The following LMO7 variants were observed in gnomAD, a reference collection of about 807,000 sequenced individuals.
LMO7 encodes LIM domain only protein 7.
LMO7 carries 120 observed loss-of-function variants against 206.5 expected under a neutral mutation model. The ratio of observed to expected loss-of-function variants is 0.58; its 90% CI spans 0.50 to 0.68. The LOEUF is 0.68. LMO7 is among the 30% of genes least tolerant of loss of function. The pLI is 0.00. For missense variants in LMO7, 1,959 were observed against 1,957.9 expected, an observed-to-expected ratio of 1.00 and a Z score of -0.01; for synonymous variants, 706 against 681.5, an observed-to-expected ratio of 1.04 and a Z score of -0.56.
chr13:75,760,677 C>T (rs746435430), intron 3 of LMO7: 11 of 1,516,324 alleles, frequency 7.3e-6, no homozygotes, highest in South Asian at 2.5e-5. Flanking sequence ...TAATGTTTAA[C>T]GTGCCAGTCA....
At chr13:75,782,701 T>C (rs1325393831) in intron 4 of LMO7, among the ~76,000 whole-genome samples, 1 of 152,194 alleles carries the variant, frequency 6.6e-6, no homozygotes, top group Non-Finnish European at 1.5e-5. Context: ...GAGAATCCAC[T>C]TCTTTCTGTC....
chr13:75,670,954 T>TC (rs1300861477), intron 1 of LMO7, among the ~76,000 whole-genome samples: 8 of 140,904 alleles, frequency 5.7e-5, no homozygotes, highest in South Asian at 2.2e-4. Context: ...CTTTTTTTTT[T>TC]AATGTTTAAA....
chr13:75,859,704 GA>G lies in LMO7; in HGVS notation c.*1764del, dbSNP rs2061160246. 6.6e-6 allele frequency: 1 copy of G among 152,192 alleles called. No homozygotes were observed. The highest frequency in any genetic ancestry group is 1.5e-5 in the Non-Finnish European group (1 of 68,030). 9.4% of individuals were successfully genotyped at this position (152,192 alleles called of 1,614,324 possible). A position where few individuals can be genotyped will look rare whatever the true frequency, so the allele number is the denominator to read the frequency against. On this transcript the variant is annotated 3_prime_UTR_variant, in exon 31 of 31. Transcript: ENST00000377534. ...GTATATATTGCCAAAGTGGTTTCCAGAAAGGCACTGCTGGCTTCGACTCCTA... is the reference window on the plus strand; with the variant it reads ...GTATATATTGCCAAAGTGGTTTCCAGAAGGCACTGCTGGCTTCGACTCCTA...
Position 75,858,189 on chromosome 13 carries a change from G to C in LMO7, c.*246G>C. The stretch of plus-strand genomic sequence containing the variant: ...ATTTACCTGTTGAATTCAGCATCTT[G>C]AGAGCACAAGGGAAAAAATAAGAAC... On this transcript the variant is annotated 3_prime_UTR_variant, in exon 31 of 31. Transcript: ENST00000377534. The C allele has an allele frequency of 2.6e-6, 1 of 384,394 alleles. No homozygotes were observed. The highest frequency in any genetic ancestry group is 4.6e-6 in the Non-Finnish European group (1 of 216,328). The allele number at this position is 384,394 out of a possible 1,614,324, so 23.8% of individuals were successfully genotyped here. A position where few individuals can be genotyped will look rare whatever the true frequency, so the allele number is the denominator to read the frequency against.
intron 3 of LMO7, among the ~76,000 whole-genome samples, chr13:75,728,137 C>T (rs2138638597): frequency 6.6e-6 from 1 of 152,160 alleles, no homozygotes; most frequent in Non-Finnish European, 1.5e-5. Context: ...GGGTATATAC[C>T]CAGTAATGGG....
intron 11 of LMO7, among the ~76,000 whole-genome samples, chr13:75,814,431 G>A (rs1595227036): frequency 6.6e-6 from 1 of 152,156 alleles, no homozygotes; most frequent in South Asian, 2.1e-4. Flanking sequence ...TAAGGCTGAG[G>A]GTTCAGTACT....
chr13:75,831,592 C>T (rs1365651245), intron 15 of LMO7, among the ~76,000 whole-genome samples: 1 of 152,134 alleles, frequency 6.6e-6, no homozygotes, highest in Non-Finnish European at 1.5e-5. Context: ...ATCTGCTTGG[C>T]TTCAGGTGAG....
intron 3 of LMO7, among the ~76,000 whole-genome samples, chr13:75,734,274 G>A (rs2045582616): frequency 6.6e-6 from 1 of 152,190 alleles, no homozygotes; most frequent in African/African-American, 2.4e-5. Flanking sequence ...CAATAATAAT[G>A]CGGGGCGTTG....
chr13:75,755,823 T>C (rs2047646414), intron 3 of LMO7, among the ~76,000 whole-genome samples: 1 of 152,192 alleles, frequency 6.6e-6, no homozygotes, highest in South Asian at 2.1e-4. Flanking sequence ...AACTAAGTGA[T>C]CTACTGGGGA....
intron 27 of LMO7, 68 bp from the exon 28 acceptor site, chr13:75,853,024 A>G (rs1329448556): frequency 1.6e-6 from 2 of 1,271,414 alleles, no homozygotes; most frequent in Non-Finnish European, 2.2e-6. Flanking sequence ...AATGAATGGA[A>G]TGATGAATTA....
chr13:75,656,942 C>T (rs1447143415), intron 1 of LMO7, among the ~76,000 whole-genome samples: 4 of 152,164 alleles, frequency 2.6e-5, no homozygotes, highest in South Asian at 2.1e-4. Context: ...CCCCCGGTAC[C>T]GCAGAATGTT....
At chr13:75,740,327 G>A (rs982941853) in intron 3 of LMO7, among the ~76,000 whole-genome samples, 25 of 152,308 alleles carry the variant, frequency 1.6e-4, no homozygotes, top group African/African-American at 4.6e-4. Context: ...GGTCACTCAC[G>A]CCTGTAATCC....
intron 18 of LMO7, among the ~76,000 whole-genome samples, chr13:75,835,921 A>G (rs1162709495): frequency 6.6e-6 from 1 of 152,146 alleles, no homozygotes; most frequent in Non-Finnish European, 1.5e-5. Context: ...TATGATACAA[A>G]TTGTTCATTT....
intron 4 of LMO7, among the ~76,000 whole-genome samples, chr13:75,772,499 G>C (rs1037689855): frequency 6.6e-6 from 1 of 152,052 alleles, no homozygotes; most frequent in Non-Finnish European, 1.5e-5. Flanking sequence ...TATAAGATAG[G>C]GTGGTTGACT....
At chr13:75,684,446 C>T (rs189624858) in intron 1 of LMO7, among the ~76,000 whole-genome samples, 32 of 151,698 alleles carry the variant, frequency 2.1e-4, no homozygotes, top group African/African-American at 5.6e-4. Flanking sequence ...GGTTTCTCCA[C>T]GTTGGTCAGG....
chr13:75,765,805 C>G (rs1176354762), intron 4 of LMO7, among the ~76,000 whole-genome samples: 1 of 152,116 alleles, frequency 6.6e-6, no homozygotes, highest in African/African-American at 2.4e-5. Context: ...AGTTCTTAAT[C>G]TATTTCTCAG....
At position 75,818,396 on chromosome 13, in the gene LMO7, C is replaced by T. The variant is rs376052420; in HGVS notation, c.2065-997C>T. ...CTTTGCATGCCCTGGGGGTGAAATT[C>T]GGTTTTGTCTGAGACCTTGAATGTG... is the stretch of plus-strand genomic sequence containing the variant. On this transcript the variant is annotated intron_variant, in intron 12 of 30. Coordinates refer to ENST00000377534, the MANE Select transcript of LMO7 (RefSeq NM_001306080.2). Among the ~76,000 whole-genome samples, 230 of 152,150 alleles carry T rather than the reference C, an allele frequency of 1.5e-3. 7 individuals are homozygous for T. The South Asian group carries it at 0.043, about 29-fold the overall frequency.
intron 4 of LMO7, among the ~76,000 whole-genome samples, chr13:75,784,195 G>A (rs999096701): frequency 6.6e-6 from 1 of 152,068 alleles, no homozygotes; most frequent in African/African-American, 2.4e-5. Context: ...GAATTATGAG[G>A]TTCAAAATGT....
Position 75,788,268 on chromosome 13 carries a change from G to A in LMO7, c.318-7133G>A, listed in dbSNP as rs573550711. Among the ~76,000 whole-genome samples, 4 of 151,910 alleles carry A rather than the reference G, an allele frequency of 2.6e-5. No homozygotes were observed. The South Asian group carries it at 8.4e-4, about 32-fold the overall frequency. ...AGGTCAGGAGTTTGAGACCAGCCTG[G>A]CCAACATGGTGAAACCCCATCTCTA... On this transcript the variant is annotated intron_variant, in intron 4 of 30. Transcript: ENST00000377534.
Sources: gnomAD v4.1 joint callset for allele counts (sites outside exome capture counted in the v4.1 genomes callset) on GRCh38, gnomAD v4.1.1 for gene constraint, MANE v1.5 for transcripts, NCBI Gene and HGNC (gene_info 2026-07-23, HGNC 2026-07-21) for gene names.